The following IMPACT variants were observed in gnomAD, a reference collection of about 807,000 sequenced individuals.
The protein encoded by IMPACT is impact RWD domain protein.
In IMPACT, 35 loss-of-function variants were observed where a neutral mutation model predicts 47.5. That is an observed-to-expected ratio of 0.74 (90% CI 0.56 to 0.98). The LOEUF is 0.98. IMPACT is among the 50% of genes least tolerant of loss of function. The pLI is 0.00. For synonymous variants in IMPACT, 118 were observed against 125.6 expected, an observed-to-expected ratio of 0.94 and a Z score of 0.40; for missense variants, 373 against 394.8, an observed-to-expected ratio of 0.94 and a Z score of 0.47.
Position 24,440,569 on chromosome 18 carries a change from G to A in IMPACT, c.441G>A (p.Pro147=), listed in dbSNP as rs771691040. Residue 147 remains proline, a synonymous_variant, in exon 6 of 11, where the codon CCG becomes CCA. Transcript: ENST00000284202. The part of the protein sequence containing the change: ...CEDDLILACQ[P]ESSLKALDFD... ...ATGATCTCATTTTAGCATGTCAGCC[G>A]GAAAGTTCGCTTAAAGCATTGGATT... The A allele has an allele frequency of 1.6e-5, 25 of 1,612,880 alleles. No individual in the cohort carries two copies. In the African/African-American group the frequency reaches 2.0e-4, roughly 13 times the overall value.
chr18:24,436,485 T>C (rs1908944528), intron 4 of IMPACT, among the ~76,000 whole-genome samples: 2 of 151,986 alleles, frequency 1.3e-5, no homozygotes, highest in South Asian at 4.2e-4. Context: ...GGTTTTAAGC[T>C]ATCCTCCTAC....
At position 24,440,625 on chromosome 18, in the gene IMPACT, T is replaced by C. The variant is rs1397942342; in HGVS notation, c.490+7T>C. ...ATCAGTGAAACTCGGACAGGTATAA[T>C]GTTACTAACTAATTTCTTTTGAGGA... On this transcript the variant is annotated splice_region_variant and intron_variant, in intron 6 of 10. Transcript: ENST00000284202. 1.9e-6 allele frequency: 3 copies of C among 1,599,134 alleles called. No individual in the cohort carries two copies. Among genetic ancestry groups the C allele is most frequent in the Middle Eastern group, 1.7e-4 (1 of 6,030 alleles).
rs954130714 is a variant in IMPACT at position 24,451,984 on chromosome 18, A to G, written c.*1137A>G. On this transcript the variant is annotated 3_prime_UTR_variant, in exon 11 of 11. Coordinates refer to ENST00000284202, the MANE Select transcript of IMPACT (RefSeq NM_018439.4). ...TGAAATTTACCTTTGAGATATAACA[A>G]TAAGTGATTAACTGTTCACTTTCAG... The G allele has an allele frequency of 2.6e-5, 4 of 152,126 alleles. No individual in the cohort carries two copies. Among genetic ancestry groups the G allele is most frequent in the Non-Finnish European group, 5.9e-5 (4 of 68,038 alleles). 9.4% of individuals were successfully genotyped at this position (152,126 alleles called of 1,614,324 possible).
At chr18:24,428,826 C>G (rs371143788) in intron 2 of IMPACT, 43 bp from the exon 3 acceptor site, 2 of 1,499,650 alleles carry the variant, frequency 1.3e-6, no homozygotes, top group Non-Finnish European at 1.8e-6. Flanking sequence ...TACTTTTGAA[C>G]CTTGATGAAG....
At chr18:24,444,087 G>A (rs1909187303) in intron 7 of IMPACT, among the ~76,000 whole-genome samples, 2 of 152,140 alleles carry the variant, frequency 1.3e-5, no homozygotes, top group South Asian at 4.1e-4. Context: ...TTTCTGCGTT[G>A]ACTTGTGGTC....
chr18:24,434,483 A>T (rs1328362666), intron 4 of IMPACT, among the ~76,000 whole-genome samples: 1 of 152,106 alleles, frequency 6.6e-6, no homozygotes, highest in Non-Finnish European at 1.5e-5. Context: ...AATACTTAAA[A>T]ATATATTGGC....
rs780370180 is a variant in IMPACT, at chr18:24,430,380, T to C, written c.277T>C (p.Tyr93His). 3.5e-5 allele frequency: 56 copies of C among 1,593,762 alleles called. 1 individual carries two copies. The highest frequency in any genetic ancestry group is 1.7e-4 in the Middle Eastern group (1 of 6,018). ...TTTATCAAATAGCCTTGAGGAAATA[T>C]ATATGTAAGTGACAGGCGATTTTTT... ...ADLSNSLEEI[Y>H]IQNIGESILY... The change falls in exon 4 of 11, where the codon TAT becomes CAT. Residue 93 changes from tyrosine to histidine, a missense_variant. By Grantham distance (83) the Tyr-to-His change is moderately conservative. Coordinates refer to ENST00000284202, the MANE Select transcript of IMPACT (RefSeq NM_018439.4).
chr18:24,441,714 G>T (rs1294110967), intron 6 of IMPACT, among the ~76,000 whole-genome samples: 1 of 152,136 alleles, frequency 6.6e-6, no homozygotes, highest in East Asian at 1.9e-4. Context: ...GAGTTTTAAG[G>T]CTTTTGAATG....
Position 24,437,982 on chromosome 18 carries a change from C to T in IMPACT, c.309C>T (p.Tyr103=). Residue 103 remains tyrosine (Y), a synonymous_variant, in exon 5 of 11, where the codon TAC becomes TAT. Transcript: ENST00000284202. ...AGAATATCGGTGAAAGTATTCTTTA[C>T]CTGTGGGTGGAGAAAATAAGAGATG... ...YIQNIGESIL[Y]LWVEKIRDVL... is the part of the protein sequence containing the mutation. 6.3e-7 allele frequency: 1 copy of T among 1,578,532 alleles called. No individual in the cohort carries two copies. Among genetic ancestry groups the T allele is most frequent in the Non-Finnish European group, 8.6e-7 (1 of 1,158,024 alleles).
At chr18:24,448,228 A>C in intron 9 of IMPACT, 45 bp downstream of exon 9, 4 of 1,316,088 alleles carry the variant, frequency 3.0e-6, no homozygotes, top group Non-Finnish European at 4.3e-6. Context: ...ACAAGCCATA[A>C]AATTTCTCAA....
intron 4 of IMPACT, among the ~76,000 whole-genome samples, chr18:24,432,480 G>A (rs935392988): frequency 2.4e-4 from 37 of 152,066 alleles, no homozygotes; most frequent in African/African-American, 2.4e-5. Flanking sequence ...TTAGAAAATG[G>A]TGAGTTGTTG....
rs1909388845 is a variant in IMPACT, at chr18:24,451,620, T to C, written c.*773T>C. ...AATGTGTTGGTGTAACATTCTCGTT[T>C]CTTTTAACAACCTGGAAGTACCTTT... is the stretch of plus-strand genomic sequence containing the variant. On this transcript the variant is annotated 3_prime_UTR_variant, in exon 11 of 11. Coordinates refer to ENST00000284202, the MANE Select transcript of IMPACT (RefSeq NM_018439.4). 2.0e-5 allele frequency: 3 copies of C among 152,238 alleles called. No individual in the cohort carries two copies. The highest frequency in any genetic ancestry group is 2.0e-4 in the Admixed American group (3 of 15,278). The allele number at this position is 152,238 out of a possible 1,614,324, so 9.4% of individuals were successfully genotyped here. A position where few individuals can be genotyped will look rare whatever the true frequency, so the allele number is the denominator to read the frequency against.
chr18:24,434,806 T>G (rs1289012370), intron 4 of IMPACT, among the ~76,000 whole-genome samples: 1 of 146,276 alleles, frequency 6.8e-6, no homozygotes, highest in Non-Finnish European at 1.5e-5. Flanking sequence ...TGTGTGTGTG[T>G]GTGTATATAT....
At chr18:24,449,378 G>T (rs1476404196) in intron 9 of IMPACT, among the ~76,000 whole-genome samples, 2 of 152,182 alleles carry the variant, frequency 1.3e-5, no homozygotes, top group Admixed American at 6.5e-5. Flanking sequence ...CTCAACTGAT[G>T]AAACCTTACT....
chr18:24,450,747 A>C, intron 10 of IMPACT, 32 bp from the exon 11 acceptor site: 2 of 1,413,358 alleles, frequency 1.4e-6, no homozygotes, highest in Non-Finnish European at 2.0e-6. Flanking sequence ...ATGTAAATGG[A>C]GAGATGCTGC....
intron 8 of IMPACT, among the ~76,000 whole-genome samples, chr18:24,446,930 C>G (rs1909263700): frequency 6.6e-6 from 1 of 152,186 alleles, no homozygotes; most frequent in Non-Finnish European, 1.5e-5. Context: ...GTTAGCAATT[C>G]TAGCACTGTA....
At chr18:24,441,211 T>C (rs1909102201) in intron 6 of IMPACT, among the ~76,000 whole-genome samples, 1 of 152,218 alleles carries the variant, frequency 6.6e-6, no homozygotes, top group Non-Finnish European at 1.5e-5. Flanking sequence ...GTTTGTTTTT[T>C]TGAGATAGAG....
At chr18:24,450,387 A>G (rs1410388888) in intron 10 of IMPACT, among the ~76,000 whole-genome samples, 4 of 152,156 alleles carry the variant, frequency 2.6e-5, no homozygotes, top group Admixed American at 6.6e-5. Flanking sequence ...ATACCTTTAG[A>G]TGCTTTCTTC....
At chr18:24,428,811 A>T in intron 2 of IMPACT, 58 bp from the exon 3 acceptor site, 1 of 1,339,272 alleles carries the variant, frequency 7.5e-7, no homozygotes, top group Non-Finnish European at 1.0e-6. Flanking sequence ...CTTTATAAAT[A>T]TGGTTACTTT....
Sources: gnomAD v4.1 joint callset for allele counts (sites outside exome capture counted in the v4.1 genomes callset) on GRCh38, gnomAD v4.1.1 for gene constraint, MANE v1.5 for transcripts, NCBI Gene and HGNC (gene_info 2026-07-23, HGNC 2026-07-21) for gene names.